DEAF1: variants seen among roughly 807,000 people sequenced by gnomAD.
DEAF1 encodes deformed epidermal autoregulatory factor 1 homolog.
DEAF1 carries 53 observed loss-of-function variants against 58.9 expected under a neutral mutation model. The ratio of observed to expected loss-of-function variants is 0.90; its 90% confidence interval spans 0.72 to 1.13. DEAF1 has a LOEUF of 1.13. Among genes scored for constraint, DEAF1 ranks in the 50% most tolerant of loss-of-function variants. The pLI is 0.00. For synonymous variants in DEAF1, 385 were observed against 340.4 expected, an observed-to-expected ratio of 1.13 and a Z score of -1.44; for missense variants, 685 against 791.4, an observed-to-expected ratio of 0.87 and a Z score of 1.61.
intron 1 of DEAF1, chr11:704,889 C>G (rs1246663119): frequency 5.6e-6 from 2 of 356,302 alleles, no homozygotes; most frequent in Non-Finnish European, 1.1e-5. Flanking sequence ...ACTCCCAGCT[C>G]TGCCTCCAGG....
chr11:679,811 C>T lies in DEAF1; in HGVS notation c.1003G>A (p.Val335Met), dbSNP rs375032027. 8.3e-5 allele frequency: 134 copies of T among 1,613,400 alleles called. No individual in the cohort carries two copies. Among genetic ancestry groups the T allele is most frequent in the Non-Finnish European group, 9.7e-5 (115 of 1,180,036 alleles). ...GTCGTGATCTGTCCCGAGGGGGTCA[C>T]GGTGACTGGAAAGGCAGAAGCACAT... is the stretch of plus-strand genomic sequence containing the variant. ...LPATAATTFT[V>M]TPSGQITTSG... is the part of the protein sequence containing the mutation. The change falls in exon 8 of 12, where the codon GTG becomes ATG. Residue 335 changes from valine (V) to methionine (M), a missense_variant. Physicochemically the swap from Val to Met is conservative, Grantham distance 21 (BLOSUM62 1). Coordinates refer to ENST00000382409, the MANE Select transcript of DEAF1 (RefSeq NM_021008.4).
intron 11 of DEAF1, among the ~76,000 whole-genome samples, chr11:648,156 T>TA (rs1488308051): frequency 3.3e-5 from 5 of 151,738 alleles, no homozygotes; most frequent in African/African-American, 1.2e-4. Flanking sequence ...TTTGTGTACA[T>TA]ACCAAGTCCT....
intron 8 of DEAF1, among the ~76,000 whole-genome samples, chr11:679,034 C>T (rs564080961): frequency 3.9e-5 from 6 of 152,072 alleles, no homozygotes; most frequent in Admixed American, 2.6e-4. Context: ...AAAATCAGGC[C>T]GGGCGCGGTG....
chr11:661,673 G>A (rs1478410146), intron 10 of DEAF1, among the ~76,000 whole-genome samples: 1 of 152,124 alleles, frequency 6.6e-6, no homozygotes, highest in Non-Finnish European at 1.5e-5. Flanking sequence ...TCGCACCACT[G>A]CACTCCAGCC....
rs968619238 is a variant in DEAF1 at position 703,361 on chromosome 11, C to A, written c.-438+3211G>T. Reference sequence around the variant, plus strand: ...GAGGCCCTGGTGTTGGGAACAGCTGCGGGGAGGGTAGGGACCAGACAGAAC... The same window carrying A: ...GAGGCCCTGGTGTTGGGAACAGCTGAGGGGAGGGTAGGGACCAGACAGAAC... On this transcript the variant is annotated intron_variant, in intron 1 of 11. Coordinates refer to the DEAF1 transcript ENST00000683307. 40 of 1,390,958 alleles carry A rather than the reference C, an allele frequency of 2.9e-5. No individual in the cohort carries two copies. The African/African-American group carries it at 5.0e-4, about 17-fold the overall frequency. The allele number at this position is 1,390,958 out of a possible 1,614,324, so 86.2% of individuals were successfully genotyped here.
intron 11 of DEAF1, among the ~76,000 whole-genome samples, chr11:652,347 T>C (rs780929103): frequency 2.0e-5 from 3 of 152,116 alleles, no homozygotes; most frequent in Non-Finnish European, 4.4e-5. Flanking sequence ...TGAATAAAGA[T>C]GAAACACAGG....
At chr11:654,589 T>C (rs1359636243) in intron 10 of DEAF1, 2 of 455,250 alleles carry the variant, frequency 4.4e-6, no homozygotes, top group South Asian at 1.5e-5. Flanking sequence ...GGAAGACCAG[T>C]ATGGGCCGGG....
chr11:668,969 G>A (rs1249230848), intron 10 of DEAF1, among the ~76,000 whole-genome samples: 1 of 152,112 alleles, frequency 6.6e-6, no homozygotes, highest in African/African-American at 2.4e-5. Flanking sequence ...GGGACTATAG[G>A]TGCCTGCCAC....
chr11:675,717 G>C (rs1426597502), intron 9 of DEAF1, among the ~76,000 whole-genome samples: 2 of 152,156 alleles, frequency 1.3e-5, no homozygotes, highest in Non-Finnish European at 2.9e-5. Flanking sequence ...CTACCTGGGA[G>C]GCTGAGGCAT....
upstream of DEAF1, chr11:697,904 A>G (rs1861272606): frequency 1.3e-5 from 2 of 152,202 alleles, no homozygotes; most frequent in African/African-American, 2.4e-5. Flanking sequence ...AGATTCCACA[A>G]ACTCTGGCAC....
At chr11:660,660 G>A (rs117109279) in intron 10 of DEAF1, among the ~76,000 whole-genome samples, 2,177 of 152,358 alleles carry the variant, frequency 0.014, 62 homozygotes, top group Non-Finnish European at 0.013. Flanking sequence ...ACTGGGCCAC[G>A]GCAGGACGTT....
chr11:677,955 T>C (rs1473599471), intron 9 of DEAF1, among the ~76,000 whole-genome samples: 1 of 110,562 alleles, frequency 9.0e-6, no homozygotes, highest in African/African-American at 3.9e-5. Flanking sequence ...AGAGTGACAC[T>C]CTGTCTCAAA....
At chr11:683,741 C>T (rs974024868) in intron 6 of DEAF1, among the ~76,000 whole-genome samples, 2 of 152,208 alleles carry the variant, frequency 1.3e-5, no homozygotes, top group African/African-American at 4.8e-5. Context: ...ACTGAGTCTT[C>T]TAATCCACGG....
Position 682,671 on chromosome 11 carries a change from T to G in DEAF1, c.871-1582A>C, listed in dbSNP as rs540871733. Among the ~76,000 whole-genome samples the G allele has an allele frequency of 5.3e-4, 81 of 152,232 alleles. No homozygotes were observed. In the East Asian group the frequency reaches 8.9e-3, roughly 17 times the overall value. On this transcript the variant is annotated intron_variant, in intron 6 of 11. Transcript: ENST00000382409. ...TCTGTTGCATTAGCCGGGTTCTGTG[T>G]GGGGGGCAGCAGCCTCTCACTGCAT...
At chr11:704,976 G>A in intron 1 of DEAF1, 1 of 297,026 alleles carries the variant, frequency 3.4e-6, no homozygotes. Context: ...CTCATGCATG[G>A]AGCAGGATCA....
chr11:665,046 G>A (rs1346986721), intron 10 of DEAF1, among the ~76,000 whole-genome samples: 1 of 49,278 alleles, frequency 2.0e-5, no homozygotes, highest in Non-Finnish European at 4.0e-5. Context: ...TATTCACACC[G>A]AGAGGAGGAG....
chr11:683,621 T>C (rs1860464826), intron 6 of DEAF1, among the ~76,000 whole-genome samples: 1 of 152,234 alleles, frequency 6.6e-6, no homozygotes, highest in South Asian at 2.1e-4. Flanking sequence ...CCTTTACCTT[T>C]CTATGCAAAT....
At chr11:669,992 C>T (rs1222497991) in intron 10 of DEAF1, among the ~76,000 whole-genome samples, 1 of 148,198 alleles carries the variant, frequency 6.7e-6, no homozygotes, top group Non-Finnish European at 1.5e-5. Flanking sequence ...ATTAGCCAGG[C>T]ATGGTGGCGC....
At chr11:697,810 C>T (rs374642086), upstream of DEAF1, 7 of 152,290 alleles carry the variant, frequency 4.6e-5, no homozygotes, top group Non-Finnish European at 8.8e-5. Context: ...TGCTTCCATC[C>T]TGTGGTGCCT....
Sources: allele counts gnomAD v4.1 joint callset (sites outside exome capture counted in the v4.1 genomes callset), GRCh38; gene constraint gnomAD v4.1.1; transcripts MANE v1.5; gene names NCBI Gene and HGNC (gene_info 2026-07-23, HGNC 2026-07-21).